EXPH5: variants seen among roughly 807,000 people sequenced by gnomAD.
EXPH5 encodes the protein exophilin 5.
EXPH5 carries 42 observed loss-of-function variants against 41.1 expected under a neutral mutation model. The ratio of observed to expected loss-of-function variants is 1.02; its 90% CI spans 0.80 to 1.32. The LOEUF is 1.32. EXPH5 is among the 40% of genes most tolerant of loss of function. EXPH5 has a pLI of 0.00. For synonymous variants in EXPH5, 798 were observed against 833.5 expected, an observed-to-expected ratio of 0.96 and a Z score of 0.73; for missense variants, 2,298 against 2,314.5, an observed-to-expected ratio of 0.99 and a Z score of 0.15.
chr11:108,532,358 ATATATATATTTTTTTTTTTTTT>A (rs1257934574), intron 3 of EXPH5, among the ~76,000 whole-genome samples: 23 of 19,014 alleles, frequency 1.2e-3, no homozygotes, highest in African/African-American at 7.2e-3. Flanking sequence ...ATATATATAT[ATATATATATTTTTTTTTTTTTT>A]TTTTTTTTTT....
chr11:108,538,775 C>A lies in EXPH5; in HGVS notation c.443+249G>T, dbSNP rs17692674. On this transcript the variant is annotated intron_variant, in intron 3 of 5. Transcript: ENST00000265843. ...GCAATCATTATTTCCCAATATTTAA[C>A]CCATCACTCACCAAATGCACCACCA... is the stretch of plus-strand genomic sequence containing the variant. Among the ~76,000 whole-genome samples the A allele has an allele frequency of 6.5e-3, 986 of 152,280 alleles. 5 individuals carry two copies. The highest frequency in any genetic ancestry group is 0.012 in the Non-Finnish European group (803 of 68,018).
chr11:108,513,017 G>C lies in EXPH5; in HGVS notation c.2490C>G (p.His830Gln). ...PSFPRTDQGC[H>Q]QELTVNNEDI... ...CTTCATTATTTACAGTTAATTCCTG[G>C]TGACAACCTTGGTCTGTCCTGGGGA... The change falls in exon 6 of 6, where the codon CAC becomes CAG. Residue 830 changes from histidine to glutamine, a missense_variant. Physicochemically the swap from His to Gln is conservative, Grantham distance 24. Transcript: ENST00000265843. 1 of 1,614,006 alleles carries C rather than the reference G, an allele frequency of 6.2e-7. No individual in the cohort carries two copies. The highest frequency in any genetic ancestry group is 1.1e-5 in the South Asian group (1 of 91,042).
Position 108,513,266 on chromosome 11 carries a change from G to A in EXPH5, c.2241C>T (p.Ser747=). ...NSLPDFQNPL[S]QDSAKSNGFG... The stretch of plus-strand genomic sequence containing the variant: ...ACCCGTTGCTCTTGGCTGAGTCCTG[G>A]GATAAGGGATTTTGAAAATCAGGTA... The change falls in exon 6 of 6, where the codon TCC becomes TCT. Residue 747 remains serine (S), a synonymous_variant. Coordinates refer to ENST00000265843, the MANE Select transcript of EXPH5 (RefSeq NM_015065.3). 6.2e-7 allele frequency: 1 copy of A among 1,612,196 alleles called. No individual in the cohort carries two copies. The highest frequency in any genetic ancestry group is 8.5e-7 in the Non-Finnish European group (1 of 1,179,434).
At chr11:108,539,402 T>A (rs936296201) in intron 2 of EXPH5, among the ~76,000 whole-genome samples, 4 of 152,132 alleles carry the variant, frequency 2.6e-5, no homozygotes, top group African/African-American at 9.7e-5. Flanking sequence ...CTCAAATTAG[T>A]AGGGAATCTT....
the EXPH5 span, among the ~76,000 whole-genome samples, chr11:108,607,004 G>T: frequency 2.0e-5 from 3 of 152,108 alleles, no homozygotes; most frequent in Non-Finnish European, 4.4e-5. Context: ...CAAATAGGAG[G>T]TCTAAAAATC....
Position 108,510,008 on chromosome 11 carries a change from C to A in EXPH5, c.5499G>T (p.Leu1833=). ...TGACAGAGAATTCATTCCCAAGGGT[C>A]AGTCGACTCAGGGCATTGTCAATAG... is the stretch of plus-strand genomic sequence containing the variant. ...STSIDNALSR[L]TLGNEFSVNN... Residue 1833 remains leucine (L), a synonymous_variant, in exon 6 of 6, where the codon CTG becomes CTT. Transcript: ENST00000265843. 6.2e-7 allele frequency: 1 copy of A among 1,613,732 alleles called. No individual in the cohort carries two copies. The highest frequency in any genetic ancestry group is 1.7e-5 in the Admixed American group (1 of 59,966).
At chr11:108,520,554 T>TATTTATTTA (rs1827156654) in intron 4 of EXPH5, among the ~76,000 whole-genome samples, 1 of 151,578 alleles carries the variant, frequency 6.6e-6, no homozygotes, top group Non-Finnish European at 1.5e-5. Flanking sequence ...TTTATTATTG[T>TATTTATTTA]TTTATTTATT....
rs146870938 is a variant in EXPH5 at position 108,511,288 on chromosome 11, C to T, written c.4219G>A (p.Glu1407Lys). The part of the protein sequence containing the change: ...SLMLQRKNVS[E>K]EKSENCQQSI... ...TGTTGACAATTTTCAGATTTTTCTT[C>T]GGATACATTTTTTCTCTGAAGCATC... is the stretch of plus-strand genomic sequence containing the variant. Residue 1407 changes from glutamate to lysine, a missense_variant, in exon 6 of 6, where the codon GAA becomes AAA. Transcript: ENST00000265843. 104 of 1,603,234 alleles carry T rather than the reference C, an allele frequency of 6.5e-5. No individual in the cohort carries two copies. Among genetic ancestry groups the T allele is most frequent in the South Asian group, 2.4e-4 (21 of 88,546 alleles).
At chr11:108,537,411 G>A (rs927149327) in intron 3 of EXPH5, among the ~76,000 whole-genome samples, 7 of 152,020 alleles carry the variant, frequency 4.6e-5, no homozygotes, top group African/African-American at 1.7e-4. Flanking sequence ...AAAGTAAAAC[G>A]TATTTGAAGA....
intron 5 of EXPH5, among the ~76,000 whole-genome samples, chr11:108,517,409 T>C (rs2077352804): frequency 6.6e-6 from 1 of 152,262 alleles, no homozygotes; most frequent in Admixed American, 6.5e-5. Flanking sequence ...GCTGACTGTC[T>C]CTACCCGACT....
chr11:108,603,362 G>A, the EXPH5 span, among the ~76,000 whole-genome samples: 1 of 152,102 alleles, frequency 6.6e-6, no homozygotes, highest in East Asian at 1.9e-4. Flanking sequence ...TTTATGTTAT[G>A]TAAACTTCAC....
Position 108,534,379 on chromosome 11 carries a change from C to T in EXPH5, c.443+4645G>A, listed in dbSNP as rs546433273. 2.0e-5 allele frequency among the ~76,000 whole-genome samples: 3 copies of T among 152,240 alleles called. No individual in the cohort carries two copies. In the South Asian group the frequency reaches 6.2e-4, roughly 32 times the overall value. On this transcript the variant is annotated intron_variant, in intron 3 of 5. Transcript: ENST00000265843. ...TTCCCCACTGTCTACAGGAATGAGT[C>T]CAAGCTCCTTAGTATGGCATTGCTC...
intron 3 of EXPH5, among the ~76,000 whole-genome samples, chr11:108,528,940 T>C (rs2093818453): frequency 6.6e-6 from 1 of 151,896 alleles, no homozygotes; most frequent in Non-Finnish European, 1.5e-5. Context: ...TGACCTCAGG[T>C]GATCTGCCTG....
At chr11:108,542,368 T>C (rs1409402987) in intron 1 of EXPH5, among the ~76,000 whole-genome samples, 2 of 151,772 alleles carry the variant, frequency 1.3e-5, no homozygotes, top group African/African-American at 2.4e-5. Flanking sequence ...TTCTTGTAAA[T>C]ATGATGGCAA....
chr11:108,590,489 G>T (rs946747447), intron 1 of EXPH5, among the ~76,000 whole-genome samples: 1 of 152,096 alleles, frequency 6.6e-6, no homozygotes, highest in African/African-American at 2.4e-5. Context: ...GAGAGGTCTG[G>T]TACAGATGAG....
At position 108,510,452 on chromosome 11, in the gene EXPH5, T is replaced by C. The variant is rs1429720797; in HGVS notation, c.5055A>G (p.Thr1685=). Residue 1685 remains threonine (T), a synonymous_variant, in exon 6 of 6, where the codon ACA becomes ACG. Transcript: ENST00000265843. ...TGTTAGACTTCTGGTTGCTGACGTG[T>C]GTAGAAGGTTCTCTGTTGGGTAGTA... is the stretch of plus-strand genomic sequence containing the variant. ...ITVLPNREPS[T]HVSNQKSNSI... 1 of 1,614,120 alleles carries C rather than the reference T, an allele frequency of 6.2e-7. No homozygotes were observed. Among genetic ancestry groups the C allele is most frequent in the Non-Finnish European group, 8.5e-7 (1 of 1,180,004 alleles).
At chr11:108,518,167 C>G (rs745559955) in intron 5 of EXPH5, 68 bp downstream of exon 5, 2 of 1,423,012 alleles carry the variant, frequency 1.4e-6, no homozygotes, top group Non-Finnish European at 1.9e-6. Flanking sequence ...TAGTTTGATA[C>G]AAACTAGTTA....
rs116207871 is a variant in EXPH5, at chr11:108,569,948, A to G, written c.119+23470T>C. Among the ~76,000 whole-genome samples, 451 of 152,330 alleles carry G rather than the reference A, an allele frequency of 3.0e-3. 7 individuals are homozygous for G. The highest frequency in any genetic ancestry group is 0.01 in the African/African-American group (432 of 41,572). On this transcript the variant is annotated intron_variant, in intron 1 of 5. Coordinates refer to ENST00000265843, the MANE Select transcript of EXPH5 (RefSeq NM_015065.3). ...AATGCTGCAAATGGAGGAGCTTATC[A>G]TACCCGGCAGCTCCAAGAAAAAGGT...
At chr11:108,524,414 G>A (rs1194430974) in intron 4 of EXPH5, among the ~76,000 whole-genome samples, 2 of 152,216 alleles carry the variant, frequency 1.3e-5, no homozygotes, top group African/African-American at 2.4e-5. Context: ...TGGTTATAGA[G>A]AATTTCCTGG....
Sources: allele counts gnomAD v4.1 joint callset (sites outside exome capture counted in the v4.1 genomes callset), GRCh38; gene constraint gnomAD v4.1.1; transcripts MANE v1.5; gene names NCBI Gene and HGNC (gene_info 2026-07-23, HGNC 2026-07-21).